PTPRD: variants seen among roughly 807,000 people sequenced by gnomAD.
PTPRD encodes receptor-type tyrosine-protein phosphatase delta.
A neutral mutation model predicts 214.5 loss-of-function variants in PTPRD; 34 were observed. That is an observed-to-expected ratio of 0.16 (90% CI 0.12 to 0.21). The LOEUF (loss-of-function observed/expected upper bound fraction) is 0.21. Among genes scored for constraint, PTPRD ranks in the 10% least tolerant of loss-of-function variants. PTPRD has a pLI of 1.00. For synonymous variants in PTPRD, 1,128 were observed against 845.7 expected, an observed-to-expected ratio of 1.33 and a Z score of -5.79; for missense variants, 2,545 against 2,398.7, an observed-to-expected ratio of 1.06 and a Z score of -1.27.
chr9:10,435,682 T>C (rs1430660268), intron 2 of PTPRD, among the ~76,000 whole-genome samples: 1 of 151,916 alleles, frequency 6.6e-6, no homozygotes, highest in African/African-American at 2.4e-5. Context: ...AATATCTGGA[T>C]GAATATAAAA....
chr9:8,944,525 G>C (rs1336346739), intron 11 of PTPRD, among the ~76,000 whole-genome samples: 1 of 152,004 alleles, frequency 6.6e-6, no homozygotes, highest in Non-Finnish European at 1.5e-5. Flanking sequence ...CAGATGAATG[G>C]ATAAAGAAAA....
intron 12 of PTPRD, among the ~76,000 whole-genome samples, chr9:8,681,576 T>C (rs142373304): frequency 6.6e-6 from 1 of 152,238 alleles, no homozygotes; most frequent in African/African-American, 2.4e-5. Context: ...CACACACGTA[T>C]CTAGACTGCT....
At chr9:9,501,086 C>A (rs1012679439) in intron 8 of PTPRD, among the ~76,000 whole-genome samples, 1 of 151,514 alleles carries the variant, frequency 6.6e-6, no homozygotes, top group African/African-American at 2.4e-5. Flanking sequence ...AGAGGAAAAA[C>A]AAGGCAATAA....
intron 8 of PTPRD, among the ~76,000 whole-genome samples, chr9:9,495,641 G>A (rs964045341): frequency 6.6e-6 from 1 of 151,922 alleles, no homozygotes; most frequent in Non-Finnish European, 1.5e-5. Context: ...TCCCATCCCC[G>A]CCCCGACTCC....
chr9:9,582,485 G>C (rs1289760381), intron 7 of PTPRD, among the ~76,000 whole-genome samples: 1 of 152,042 alleles, frequency 6.6e-6, no homozygotes, highest in Non-Finnish European at 1.5e-5. Context: ...TGTTATCTCA[G>C]ACTTGGATGA....
intron 8 of PTPRD, among the ~76,000 whole-genome samples, chr9:9,546,681 T>C (rs1349142192): frequency 6.6e-6 from 1 of 151,898 alleles, no homozygotes; most frequent in African/African-American, 2.4e-5. Context: ...ATTCTGTGTT[T>C]ATAGTAATAA....
chr9:8,350,480 A>T (rs3847289), intron 39 of PTPRD, among the ~76,000 whole-genome samples: 138,210 of 152,250 alleles, frequency 0.91, 62,789 homozygotes, highest in African/African-American at 0.94. Context: ...TCTATGAGAA[A>T]AGATTGAGTT....
chr9:9,003,609 CA>C (rs2099434610), intron 11 of PTPRD, among the ~76,000 whole-genome samples: 2 of 152,022 alleles, frequency 1.3e-5, no homozygotes, highest in African/African-American at 4.8e-5. Flanking sequence ...CTAACTCTAG[CA>C]TAAAGGCTTT....
chr9:10,154,516 T>C (rs755391232), intron 3 of PTPRD, among the ~76,000 whole-genome samples: 1 of 152,188 alleles, frequency 6.6e-6, no homozygotes, highest in African/African-American at 2.4e-5. Context: ...CTTTTGATGC[T>C]TACTTCATGA....
chr9:8,340,504 T>A (rs2132375319), intron 41 of PTPRD, 35 bp from the exon 42 acceptor site: 1 of 1,509,152 alleles, frequency 6.6e-7, no homozygotes, highest in Non-Finnish European at 9.0e-7. Context: ...TGTGTTAAAG[T>A]ATTTAGAGAA....
At chr9:9,859,681 G>T (rs2062287355) in intron 5 of PTPRD, among the ~76,000 whole-genome samples, 1 of 152,128 alleles carries the variant, frequency 6.6e-6, no homozygotes, top group African/African-American at 2.4e-5. Flanking sequence ...ACAATTCTGT[G>T]AACTTAGTTA....
intron 8 of PTPRD, among the ~76,000 whole-genome samples, chr9:9,422,977 A>G (rs1468762053): frequency 6.6e-6 from 1 of 152,154 alleles, no homozygotes; most frequent in East Asian, 1.9e-4. Context: ...TCAGGCCCTT[A>G]GTTGGGTCCC....
intron 10 of PTPRD, among the ~76,000 whole-genome samples, chr9:9,164,473 A>T (rs1445206): frequency 6.6e-5 from 10 of 151,696 alleles, no homozygotes; most frequent in Admixed American, 2.0e-4. Context: ...GTCTGCAAAA[A>T]ACTTTTTGAC....
chr9:8,692,754 C>T (rs1317670951), intron 12 of PTPRD, among the ~76,000 whole-genome samples: 2 of 151,496 alleles, frequency 1.3e-5, no homozygotes. Context: ...TTCTATACTT[C>T]CACAAAAGAT....
At chr9:10,066,732 T>C (rs956291708) in intron 3 of PTPRD, among the ~76,000 whole-genome samples, 5 of 151,946 alleles carry the variant, frequency 3.3e-5, no homozygotes, top group African/African-American at 1.2e-4. Flanking sequence ...GTACACACTC[T>C]TTGACACTTT....
chr9:8,830,611 T>G (rs113965169), intron 11 of PTPRD, among the ~76,000 whole-genome samples: 38 of 151,872 alleles, frequency 2.5e-4, no homozygotes, highest in African/African-American at 4.3e-4. Context: ...CAGTGAGGAG[T>G]GTGCAGCGAC....
chr9:8,511,156 C>T (rs1371733477), intron 21 of PTPRD, among the ~76,000 whole-genome samples: 1 of 152,134 alleles, frequency 6.6e-6, no homozygotes, highest in Non-Finnish European at 1.5e-5. Context: ...ACAGCTTTGA[C>T]CTCCAGGTCT....
intron 5 of PTPRD, among the ~76,000 whole-genome samples, chr9:9,890,574 T>A (rs563808406): frequency 1.1e-4 from 17 of 152,142 alleles, no homozygotes; most frequent in African/African-American, 4.1e-4. Context: ...CTCATTTACA[T>A]AATATGCCAG....
chr9:8,679,040 G>C (rs1428494101), intron 12 of PTPRD, among the ~76,000 whole-genome samples: 1 of 152,180 alleles, frequency 6.6e-6, no homozygotes, highest in Non-Finnish European at 1.5e-5. Flanking sequence ...AGATGACCCT[G>C]TTCGAAGTAC....
Sources: allele counts gnomAD v4.1 joint callset (sites outside exome capture counted in the v4.1 genomes callset), GRCh38; gene constraint gnomAD v4.1.1; transcripts MANE v1.5; gene names NCBI Gene and HGNC (gene_info 2026-07-23, HGNC 2026-07-21).